The following CYP2C18 variants were observed in gnomAD, a reference collection of about 807,000 sequenced individuals.
CYP2C18 encodes the protein cytochrome P450 2C18.
CYP2C18 carries 38 observed loss-of-function variants against 41.3 expected under a neutral mutation model. The observed-to-expected ratio is 0.92, with a 90% CI of 0.71 to 1.21. The LOEUF (loss-of-function observed/expected upper bound fraction) is 1.21. Ranked by LOEUF, CYP2C18 falls within the 50% of genes most tolerant of loss-of-function variation. The pLI, the probability that CYP2C18 is intolerant of heterozygous loss-of-function variation, is 0.00. For missense variants in CYP2C18, 635 were observed against 591.4 expected (o/e 1.07, Z -0.77); for synonymous variants, 236 against 210.0 (o/e 1.12, Z -1.07).
chr10:94,718,468 C>G (rs1361984273), intron 5 of CYP2C18, among the ~76,000 whole-genome samples: 1 of 152,102 alleles, frequency 6.6e-6, no homozygotes, highest in Non-Finnish European at 1.5e-5. Context: ...GCTAGTACTT[C>G]TCATACTATG....
intron 5 of CYP2C18, among the ~76,000 whole-genome samples, chr10:94,714,401 G>T (rs1322347117): frequency 3.3e-5 from 5 of 152,180 alleles, no homozygotes; most frequent in African/African-American, 1.2e-4. Context: ...CATATGGCTA[G>T]CCAGTTTTCC....
chr10:94,688,030 G>A, intron 2 of CYP2C18, 95 bp from the exon 3 acceptor site: 6 of 1,598,386 alleles, frequency 3.8e-6, no homozygotes, highest in Non-Finnish European at 5.1e-6. Flanking sequence ...AGAGCTCCTG[G>A]GACAGAACTT....
intron 4 of CYP2C18, among the ~76,000 whole-genome samples, chr10:94,706,343 A>G (rs1564642601): frequency 6.6e-6 from 1 of 152,120 alleles, no homozygotes; most frequent in Non-Finnish European, 1.5e-5. Context: ...GTTATAAAAG[A>G]GTGATTCTAT....
chr10:94,700,839 C>T (rs1234424299), intron 4 of CYP2C18, among the ~76,000 whole-genome samples: 1 of 152,190 alleles, frequency 6.6e-6, no homozygotes, highest in African/African-American at 2.4e-5. Flanking sequence ...CAAAAGAAGA[C>T]AGTTATGCAG....
chr10:94,728,623 T>A, intron 7 of CYP2C18: 5 of 977,492 alleles, frequency 5.1e-6, no homozygotes, highest in Non-Finnish European at 6.1e-6. Context: ...AGCATTTCTG[T>A]GATCAACCCC....
At chr10:94,705,159 C>T (rs1847318730) in intron 4 of CYP2C18, among the ~76,000 whole-genome samples, 1 of 152,088 alleles carries the variant, frequency 6.6e-6, no homozygotes, top group South Asian at 2.1e-4. Context: ...CTTACATATG[C>T]ATCATGGAAT....
chr10:94,720,321 G>C, intron 5 of CYP2C18, 75 bp from the exon 6 acceptor site: 1 of 1,320,556 alleles, frequency 7.6e-7, no homozygotes, highest in South Asian at 1.4e-5. Flanking sequence ...AGAACAACCT[G>C]ATATATTTTG....
intron 3 of CYP2C18, among the ~76,000 whole-genome samples, chr10:94,692,291 TATCCAG>T (rs1342738172): frequency 6.6e-6 from 1 of 151,664 alleles, no homozygotes; most frequent in African/African-American, 2.4e-5. Context: ...AAAGGGCTAA[TATCCAG>T]AATCACAATG....
At chr10:94,703,187 G>A (rs77734620) in intron 4 of CYP2C18, among the ~76,000 whole-genome samples, 3,288 of 152,306 alleles carry the variant, frequency 0.022, 118 homozygotes, top group African/African-American at 0.074. Flanking sequence ...GCTGGGAGGT[G>A]TCTCCCTCTC....
intron 4 of CYP2C18, among the ~76,000 whole-genome samples, chr10:94,703,062 C>T (rs973069710): frequency 1.2e-4 from 19 of 152,126 alleles, no homozygotes; most frequent in Middle Eastern, 3.2e-3. Context: ...TCACCAGCAG[C>T]GGCTGCAGAA....
intron 7 of CYP2C18, among the ~76,000 whole-genome samples, chr10:94,725,777 G>A (rs558452552): frequency 6.6e-6 from 1 of 152,042 alleles, no homozygotes; most frequent in Non-Finnish European, 1.5e-5. Flanking sequence ...ACACACAAAT[G>A]TGCACACAGA....
In CYP2C18 at chr10:94,735,698, A is replaced by C; in HGVS notation, c.*254A>C. The C allele has an allele frequency of 2.1e-6, 1 of 466,576 alleles. No homozygotes were observed. Among genetic ancestry groups the C allele is most frequent in the East Asian group, 3.2e-5 (1 of 30,912 alleles). 28.9% of individuals were successfully genotyped at this position (466,576 alleles called of 1,614,324 possible). On this transcript the variant is annotated 3_prime_UTR_variant, in exon 9 of 9. Coordinates refer to ENST00000285979, the MANE Select transcript of CYP2C18 (RefSeq NM_000772.3). ...CCACCACATATGCTAATACCTATCTACTGCTGAGTTGTCAGTATGTTATCA... is the reference window on the plus strand; with the variant it reads ...CCACCACATATGCTAATACCTATCTCCTGCTGAGTTGTCAGTATGTTATCA...
chr10:94,710,839 A>G (rs115197811), intron 5 of CYP2C18, among the ~76,000 whole-genome samples: 193 of 152,334 alleles, frequency 1.3e-3, no homozygotes, highest in African/African-American at 4.5e-3. Flanking sequence ...CACAGGTCAC[A>G]TGGAGATTAT....
At position 94,720,532 on chromosome 10, in the gene CYP2C18, T is replaced by A; in HGVS notation, c.956T>A (p.Val319Asp). Residue 319 changes from valine (V) to aspartate (D), a missense_variant, in exon 6 of 9, where the codon GTC becomes GAC. Val to Asp is a radical substitution (Grantham distance 152, BLOSUM62 -3). Coordinates refer to ENST00000285979, the MANE Select transcript of CYP2C18 (RefSeq NM_000772.3). ...GLLLLLKYPEVTAKVQEEIEC... is the reference protein window; with the variant it reads ...GLLLLLKYPEDTAKVQEEIEC... ...CTGCTCCTGCTGAAGTACCCAGAGG[T>A]CACAGGTATGATGATACCATAGGTG... 2 of 1,612,786 alleles carry A rather than the reference T, an allele frequency of 1.2e-6. No homozygotes were observed. Among genetic ancestry groups the A allele is most frequent in the Non-Finnish European group, 1.7e-6 (2 of 1,179,402 alleles).
chr10:94,729,787 C>A (rs1172807694), intron 7 of CYP2C18, among the ~76,000 whole-genome samples: 1 of 152,112 alleles, frequency 6.6e-6, no homozygotes, highest in East Asian at 1.9e-4. Flanking sequence ...TGAGGGAGGA[C>A]TTTTGTATCT....
chr10:94,708,837 CTTTG>C (rs987546588), intron 5 of CYP2C18, among the ~76,000 whole-genome samples: 6 of 152,134 alleles, frequency 3.9e-5, no homozygotes, highest in Non-Finnish European at 5.9e-5. Context: ...AGTATGTGGT[CTTTG>C]TTTGTCTGAC....
intron 7 of CYP2C18, among the ~76,000 whole-genome samples, chr10:94,728,277 A>G (rs1229227118): frequency 6.6e-6 from 1 of 152,084 alleles, no homozygotes; most frequent in African/African-American, 2.4e-5. Context: ...AGAAAGTTAC[A>G]TAGGTGATGT....
rs1366357837 is a variant in CYP2C18, at chr10:94,694,828, A to G, written c.482-89A>G. 2.8e-6 allele frequency: 4 copies of G among 1,419,368 alleles called. No individual in the cohort carries two copies. The African/African-American group carries it at 5.9e-5, about 21-fold the overall frequency. 87.9% of individuals were successfully genotyped at this position (1,419,368 alleles called of 1,614,324 possible). ...AATTTCTAGGTAGGTATTGGTTTAGAGTTTCTAAAAATACTTTTTCCTGTA... is the reference window on the plus strand; with the variant it reads ...AATTTCTAGGTAGGTATTGGTTTAGGGTTTCTAAAAATACTTTTTCCTGTA... On this transcript the variant is annotated intron_variant, in intron 3 of 8. Coordinates refer to ENST00000285979, the MANE Select transcript of CYP2C18 (RefSeq NM_000772.3).
intron 4 of CYP2C18, among the ~76,000 whole-genome samples, chr10:94,696,525 G>A (rs958632868): frequency 5.3e-5 from 8 of 152,200 alleles, no homozygotes; most frequent in Non-Finnish European, 1.0e-4. Context: ...CCACAAAGAT[G>A]GGGAAAAAAC....
Sources: allele counts gnomAD v4.1 joint callset (sites outside exome capture counted in the v4.1 genomes callset), GRCh38; gene constraint gnomAD v4.1.1; transcripts MANE v1.5; gene names NCBI Gene and HGNC (gene_info 2026-07-23, HGNC 2026-07-21).